STK31: variants seen among roughly 807,000 people sequenced by gnomAD.
STK31 encodes the protein serine/threonine-protein kinase 31.
Under a neutral mutation model 129.7 loss-of-function variants are expected in STK31, and 89 were observed. The observed-to-expected ratio is 0.69, with a 90% CI of 0.58 to 0.82. The LOEUF (loss-of-function observed/expected upper bound fraction) is 0.82. STK31 is among the 40% of genes least tolerant of loss of function. STK31 has a pLI of 0.00. For missense variants in STK31, 1,187 were observed against 1,176.4 expected (o/e 1.01, Z -0.13); for synonymous variants, 448 against 395.3 (o/e 1.13, Z -1.58).
Position 23,832,441 on chromosome 7 carries a change from G to A in STK31, c.*75G>A. 9.5e-7 allele frequency: 1 copy of A among 1,050,048 alleles called. No individual in the cohort carries two copies. The highest frequency in any genetic ancestry group is 1.4e-6 in the Non-Finnish European group (1 of 708,402). The allele number at this position is 1,050,048 out of a possible 1,614,324, so 65.0% of individuals were successfully genotyped here. On this transcript the variant is annotated 3_prime_UTR_variant, in exon 24 of 24. Coordinates refer to ENST00000355870, the MANE Select transcript of STK31 (RefSeq NM_031414.5). ...TTAATACACAGAAATATCTAGAAAT[G>A]TTCTGGGACTAGTTGAGTTGTATCT...
At chr7:23,716,721 G>C (rs1239612505) in intron 3 of STK31, among the ~76,000 whole-genome samples, 2 of 151,178 alleles carry the variant, frequency 1.3e-5, no homozygotes, top group Non-Finnish European at 2.9e-5. Flanking sequence ...ATTCAGCCTT[G>C]GCCATTGGGA....
intron 22 of STK31, among the ~76,000 whole-genome samples, chr7:23,798,100 A>G (rs183452204): frequency 1.3e-5 from 2 of 152,324 alleles, no homozygotes; most frequent in Non-Finnish European, 2.9e-5. Context: ...AAATTGAGGC[A>G]GTTATTAATA....
chr7:23,804,693 A>T (rs1300050123), intron 22 of STK31, among the ~76,000 whole-genome samples: 1 of 152,214 alleles, frequency 6.6e-6, no homozygotes, highest in Non-Finnish European at 1.5e-5. Flanking sequence ...TAATAACGTG[A>T]GACCCAAACC....
intron 11 of STK31, 76 bp from the exon 12 acceptor site, chr7:23,768,919 C>T: frequency 5.7e-6 from 7 of 1,223,332 alleles, no homozygotes; most frequent in Non-Finnish European, 6.6e-6. Context: ...CTTTTCTACC[C>T]CTTAGATCCT....
At chr7:23,830,592 T>TGTGTGTGTGTGTG (rs1794483467) in intron 23 of STK31, among the ~76,000 whole-genome samples, 3 of 142,140 alleles carry the variant, frequency 2.1e-5, no homozygotes, top group Non-Finnish European at 3.0e-5. Flanking sequence ...AATTTCCATG[T>TGTGTGTGTGTGTG]TGTGTGTGTG....
chr7:23,746,032 G>C (rs1788331267), intron 8 of STK31, among the ~76,000 whole-genome samples: 1 of 152,236 alleles, frequency 6.6e-6, no homozygotes, highest in Non-Finnish European at 1.5e-5. Flanking sequence ...AGCTGCAGTG[G>C]TGGCTGTGGG....
At position 23,737,858 on chromosome 7, in the gene STK31, TAA is replaced by T. The variant is rs1320220011; in HGVS notation, c.1017+781_1017+782del. ...CCCCCCAGGGATACAGTGTGGTTGA[TAA>T]GTGTGTGTGTGTGTGTGTGTGTGTG... is the stretch of plus-strand genomic sequence containing the variant. On this transcript the variant is annotated intron_variant, in intron 8 of 23. Coordinates refer to ENST00000355870, the MANE Select transcript of STK31 (RefSeq NM_031414.5). 2.4e-3 allele frequency among the ~76,000 whole-genome samples: 236 copies of T among 98,702 alleles called. 1 individual carries two copies. Among genetic ancestry groups the T allele is most frequent in the African/African-American group, 7.2e-3 (211 of 29,318 alleles). 64.8% of individuals were successfully genotyped at this position (98,702 alleles called of 152,430 possible).
At chr7:23,742,021 G>A (rs2128085271) in intron 8 of STK31, among the ~76,000 whole-genome samples, 1 of 152,354 alleles carries the variant, frequency 6.6e-6, no homozygotes, top group East Asian at 1.9e-4. Context: ...GCTGTGGGAA[G>A]TGTAGTCTGA....
chr7:23,736,051 C>A (rs1159080644), intron 7 of STK31, among the ~76,000 whole-genome samples, 155 bp downstream of exon 7: 3 of 152,182 alleles, frequency 2.0e-5, no homozygotes, highest in Non-Finnish European at 4.4e-5. Flanking sequence ...GTATTCCTCT[C>A]TGCTTTAGCA....
chr7:23,710,143 C>A, upstream of STK31: 3 of 1,444,428 alleles, frequency 2.1e-6, no homozygotes, highest in Non-Finnish European at 1.9e-6. Context: ...GGCGGCAGGC[C>A]GTGGCTGCCA....
At chr7:23,817,010 A>G (rs1487240648) in intron 23 of STK31, among the ~76,000 whole-genome samples, 1 of 152,008 alleles carries the variant, frequency 6.6e-6, no homozygotes, top group Non-Finnish European at 1.5e-5. Context: ...ACATGGTGAA[A>G]CCCTGTCTGT....
chr7:23,725,148 T>C (rs1359353784), intron 4 of STK31, among the ~76,000 whole-genome samples: 1 of 152,128 alleles, frequency 6.6e-6, no homozygotes, highest in African/African-American at 2.4e-5. Context: ...TTTGGAGGGC[T>C]ACAGACCATT....
intron 23 of STK31, among the ~76,000 whole-genome samples, chr7:23,824,223 C>T (rs188328358): frequency 7.9e-4 from 120 of 152,268 alleles, no homozygotes; most frequent in African/African-American, 2.8e-3. Context: ...ATTCTTCCTA[C>T]CCATGAGCAT....
At chr7:23,817,615 A>C (rs1793551589) in intron 23 of STK31, among the ~76,000 whole-genome samples, 1 of 152,176 alleles carries the variant, frequency 6.6e-6, no homozygotes, top group Non-Finnish European at 1.5e-5. Flanking sequence ...TGTAGTTGAG[A>C]GAGTTATTAG....
intron 22 of STK31, among the ~76,000 whole-genome samples, chr7:23,795,077 T>C (rs1159434752): frequency 6.6e-6 from 1 of 152,210 alleles, no homozygotes; most frequent in African/African-American, 2.4e-5. Context: ...TGTTAATCGC[T>C]AGGACAATGG....
intron 22 of STK31, 35 bp from the exon 23 acceptor site, chr7:23,815,109 A>G (rs758507435): frequency 4.0e-6 from 6 of 1,517,086 alleles, no homozygotes; most frequent in Non-Finnish European, 4.5e-6. Flanking sequence ...GTATTAATAC[A>G]TTGGACATTT....
At chr7:23,746,588 T>A (rs1367322584) in intron 8 of STK31, among the ~76,000 whole-genome samples, 1 of 152,148 alleles carries the variant, frequency 6.6e-6, no homozygotes, top group African/African-American at 2.4e-5. Flanking sequence ...ACAAACACGT[T>A]TTTGTGTGTT....
chr7:23,730,878 A>ATATATATATATATATATTTTTTTTT, intron 6 of STK31, among the ~76,000 whole-genome samples: 2 of 59,542 alleles, frequency 3.4e-5, no homozygotes, highest in South Asian at 8.2e-4. Flanking sequence ...ATATATATAT[A>ATATATATATATATATATTTTTTTTT]TTTTTTTTTT....
intron 23 of STK31, among the ~76,000 whole-genome samples, chr7:23,817,292 A>G (rs1793531050): frequency 6.6e-6 from 1 of 152,206 alleles, no homozygotes; most frequent in Non-Finnish European, 1.5e-5. Flanking sequence ...ATGTAAATAC[A>G]CAGTCCCCGT....
Sources: gnomAD v4.1 joint callset for allele counts (sites outside exome capture counted in the v4.1 genomes callset) on GRCh38, gnomAD v4.1.1 for gene constraint, MANE v1.5 for transcripts, NCBI Gene and HGNC (gene_info 2026-07-23, HGNC 2026-07-21) for gene names.